The following FHIT variants were observed in gnomAD, a reference collection of about 807,000 sequenced individuals.
FHIT encodes bis(5'-adenosyl)-triphosphatase.
FHIT carries 19 observed loss-of-function variants against 17.9 expected under a neutral mutation model. That is an observed-to-expected ratio of 1.06 (90% confidence interval 0.74 to 1.56). The LOEUF (loss-of-function observed/expected upper bound fraction) is 1.56, where lower values mean the gene tolerates loss of function less well. FHIT is among the 40% of genes most tolerant of loss of function. The pLI, the probability that FHIT is intolerant of heterozygous loss-of-function variation, is 0.00. For missense variants in FHIT, 248 were observed against 189.2 expected (o/e 1.31, Z -1.82); for synonymous variants, 81 against 69.7 (o/e 1.16, Z -0.81).
chr3:60,605,514 T>G (rs2107721132), intron 4 of FHIT, among the ~76,000 whole-genome samples: 1 of 152,308 alleles, frequency 6.6e-6, no homozygotes, highest in East Asian at 1.9e-4. Context: ...AAAAGAACCC[T>G]GAAAGACCTC....
Position 59,911,603 on chromosome 3 carries a change from G to A in FHIT, c.348+10743C>T, listed in dbSNP as rs186824442. 9.8e-4 allele frequency among the ~76,000 whole-genome samples: 149 copies of A among 152,280 alleles called. 2 individuals are homozygous for A. Among genetic ancestry groups the A allele is most frequent in the South Asian group, 6.6e-3 (32 of 4,824 alleles). On this transcript the variant is annotated intron_variant, in intron 8 of 9. Coordinates refer to ENST00000492590, the MANE Select transcript of FHIT (RefSeq NM_002012.4). The stretch of plus-strand genomic sequence containing the variant: ...CCTCTAGACTAAGCCTCATATTCCA[G>A]CTTTAAAATCCCATTCTTTTCTCAG...
chr3:61,162,370 G>C (rs2037721970), intron 2 of FHIT, among the ~76,000 whole-genome samples: 2 of 152,266 alleles, frequency 1.3e-5, no homozygotes, highest in South Asian at 4.1e-4. Context: ...GAAGGAAAAA[G>C]GTAGTCATAG....
intron 2 of FHIT, among the ~76,000 whole-genome samples, chr3:61,178,293 G>A (rs548124413): frequency 1.2e-4 from 19 of 152,022 alleles, no homozygotes; most frequent in African/African-American, 4.3e-4. Flanking sequence ...TTTCAGAGGT[G>A]GAAGGGAGGC....
At chr3:60,595,012 T>C (rs782644991) in intron 4 of FHIT, among the ~76,000 whole-genome samples, 36 of 152,028 alleles carry the variant, frequency 2.4e-4, no homozygotes, top group Non-Finnish European at 4.9e-4. Flanking sequence ...GCTGTGTTCC[T>C]CACATGCCAC....
At chr3:60,498,437 T>C (rs1323828694) in intron 5 of FHIT, among the ~76,000 whole-genome samples, 1 of 152,204 alleles carries the variant, frequency 6.6e-6, no homozygotes, top group Admixed American at 6.5e-5. Flanking sequence ...AATGATTCCT[T>C]ATAAGAAAAT....
intron 8 of FHIT, among the ~76,000 whole-genome samples, chr3:59,817,153 GA>G (rs1700628642): frequency 6.6e-6 from 1 of 152,162 alleles, no homozygotes; most frequent in African/African-American, 2.4e-5. Context: ...CCATCTATAA[GA>G]TCCTCTGTTT....
At chr3:60,612,699 T>C (rs1292901097) in intron 4 of FHIT, among the ~76,000 whole-genome samples, 3 of 152,230 alleles carry the variant, frequency 2.0e-5, no homozygotes, top group African/African-American at 7.2e-5. Flanking sequence ...TCTGGCTAGA[T>C]AACTCTGTAA....
intron 4 of FHIT, among the ~76,000 whole-genome samples, chr3:60,754,169 A>C (rs1553717693): frequency 6.6e-6 from 1 of 152,208 alleles, no homozygotes; most frequent in East Asian, 1.9e-4. Flanking sequence ...ATTCTCCAAT[A>C]ATATCAAAAC....
In FHIT at chr3:60,984,704, G is replaced by A. The variant is rs182633767; in HGVS notation, c.-111+57343C>T. ...TGACATCAACTTAGGAAATTGTAAC[G>A]AGAAATTTTAAAAGCTACAATAGAA... On this transcript the variant is annotated intron_variant, in intron 3 of 9. Coordinates refer to ENST00000492590, the MANE Select transcript of FHIT (RefSeq NM_002012.4). Among the ~76,000 whole-genome samples, 19 of 152,110 alleles carry A rather than the reference G, an allele frequency of 1.2e-4. No homozygotes were observed. The East Asian group carries it at 3.5e-3, about 28-fold the overall frequency.
At chr3:59,936,887 G>A (rs3772451) in intron 7 of FHIT, among the ~76,000 whole-genome samples, 6 of 152,112 alleles carry the variant, frequency 3.9e-5, no homozygotes, top group Non-Finnish European at 5.9e-5. Flanking sequence ...GGAGAGGTCA[G>A]CCATGAAGGA....
intron 5 of FHIT, among the ~76,000 whole-genome samples, chr3:60,170,711 T>G (rs550579446): frequency 6.6e-6 from 1 of 152,218 alleles, no homozygotes; most frequent in African/African-American, 2.4e-5. Flanking sequence ...GATCAAACAC[T>G]GGGGAAAAAA....
chr3:59,843,771 ATT>A (rs796369148), intron 8 of FHIT, among the ~76,000 whole-genome samples: 1 of 146,270 alleles, frequency 6.8e-6, no homozygotes. Context: ...CTCCTTACAG[ATT>A]TTTTTTTTTG....
intron 7 of FHIT, among the ~76,000 whole-genome samples, chr3:59,977,646 T>A (rs1182658898): frequency 6.6e-6 from 1 of 152,188 alleles, no homozygotes; most frequent in Non-Finnish European, 1.5e-5. Flanking sequence ...TTGTTTCGTC[T>A]AACAATTAAA....
At chr3:60,587,904 T>A (rs564609641) in intron 4 of FHIT, among the ~76,000 whole-genome samples, 69 of 152,150 alleles carry the variant, frequency 4.5e-4, no homozygotes, top group African/African-American at 1.6e-3. Context: ...GGGTAGAATC[T>A]GTATCAGGAG....
chr3:60,432,784 G>A (rs1357599265), intron 5 of FHIT, among the ~76,000 whole-genome samples: 2 of 151,892 alleles, frequency 1.3e-5, no homozygotes, highest in African/African-American at 4.8e-5. Context: ...TGCTTTTCTT[G>A]GATGTTGTCA....
chr3:60,842,414 C>CT (rs1436266929), intron 3 of FHIT, among the ~76,000 whole-genome samples: 2 of 151,582 alleles, frequency 1.3e-5, no homozygotes, highest in Admixed American at 1.3e-4. Context: ...AAAACATGCT[C>CT]TTTCATTCAC....
At chr3:61,035,284 A>C (rs562285676) in intron 3 of FHIT, among the ~76,000 whole-genome samples, 2 of 152,188 alleles carry the variant, frequency 1.3e-5, no homozygotes, top group Non-Finnish European at 2.9e-5. Flanking sequence ...ATTTTTTGTT[A>C]TATGACTCTT....
chr3:60,430,198 T>C (rs1489145198), intron 5 of FHIT, among the ~76,000 whole-genome samples: 1 of 152,068 alleles, frequency 6.6e-6, no homozygotes, highest in Non-Finnish European at 1.5e-5. Context: ...AATGAGACTG[T>C]TGCATTCCAC....
intron 3 of FHIT, among the ~76,000 whole-genome samples, chr3:60,901,489 CAG>C (rs141756171): frequency 0.029 from 4,400 of 152,122 alleles, 206 homozygotes; most frequent in African/African-American, 0.1. Flanking sequence ...TAAGAAAGGC[CAG>C]AAAAACATTT....
Sources: allele counts gnomAD v4.1 joint callset (sites outside exome capture counted in the v4.1 genomes callset), GRCh38; gene constraint gnomAD v4.1.1; transcripts MANE v1.5; gene names NCBI Gene and HGNC (gene_info 2026-07-23, HGNC 2026-07-21).